Variants in MYO16 observed in about 807,000 individuals in gnomAD.
MYO16 encodes myosin XVI.
A neutral mutation model predicts 205.3 loss-of-function variants in MYO16; 94 were observed. The observed-to-expected ratio is 0.46, with a 90% CI of 0.39 to 0.54. MYO16 has a LOEUF of 0.54. Among genes scored for constraint, MYO16 ranks in the 20% least tolerant of loss-of-function variants. The pLI, the probability that MYO16 is intolerant of heterozygous loss-of-function variation, is 0.00. For synonymous variants in MYO16, 988 were observed against 954.0 expected (o/e 1.04, Z -0.66); for missense variants, 2,315 against 2,387.5 (o/e 0.97, Z 0.63).
chr13:109,149,134 T>A (rs956042575), intron 32 of MYO16, among the ~76,000 whole-genome samples: 1 of 152,170 alleles, frequency 6.6e-6, no homozygotes, highest in Admixed American at 6.5e-5. Flanking sequence ...GCATTAACTC[T>A]TAGGATCTTT....
chr13:108,571,089 G>GA, the MYO16 span, among the ~76,000 whole-genome samples: 1 of 151,638 alleles, frequency 6.6e-6, no homozygotes, highest in East Asian at 1.9e-4. Flanking sequence ...AGAAGAAAAA[G>GA]AAAAAAAAGA....
chr13:108,813,821 A>G (rs1887367975), intron 7 of MYO16, among the ~76,000 whole-genome samples: 1 of 152,160 alleles, frequency 6.6e-6, no homozygotes, highest in Non-Finnish European at 1.5e-5. Context: ...ACCTGCTCAC[A>G]TTTTAAGTAA....
At chr13:108,866,528 C>T (rs949820040) in intron 12 of MYO16, among the ~76,000 whole-genome samples, 16 of 152,162 alleles carry the variant, frequency 1.1e-4, no homozygotes, top group Non-Finnish European at 2.2e-4. Flanking sequence ...ATTTTCCATA[C>T]ATTTTTCACT....
At chr13:109,032,147 C>T (rs1343363843) in intron 23 of MYO16, among the ~76,000 whole-genome samples, 4 of 152,126 alleles carry the variant, frequency 2.6e-5, no homozygotes, top group African/African-American at 9.7e-5. Context: ...TGCTCCCCCT[C>T]GACCCTGGTT....
intron 32 of MYO16, among the ~76,000 whole-genome samples, chr13:109,153,654 G>A (rs576331707): frequency 6.6e-6 from 1 of 152,276 alleles, no homozygotes; most frequent in Non-Finnish European, 1.5e-5. Flanking sequence ...AGCTACTTGG[G>A]AGGCTAAGGC....
rs578158469 is a variant in MYO16 at position 108,931,634 on chromosome 13, G to T, written c.1925+21484G>T. ...ATAAAGCACAAATTATAAGATTTGG[G>T]ACCCTGACTTAAGAAACATTATGCC... is the stretch of plus-strand genomic sequence containing the variant. On this transcript the variant is annotated intron_variant, in intron 16 of 34. Transcript: ENST00000457511. 1.2e-3 allele frequency among the ~76,000 whole-genome samples: 187 copies of T among 152,168 alleles called. 1 individual carries two copies. Among genetic ancestry groups the T allele is most frequent in the African/African-American group, 4.3e-3 (180 of 41,506 alleles).
intron 28 of MYO16, among the ~76,000 whole-genome samples, chr13:109,118,260 C>G (rs1875821663): frequency 6.6e-6 from 1 of 152,184 alleles, no homozygotes; most frequent in Non-Finnish European, 1.5e-5. Flanking sequence ...CTGACCTTCC[C>G]CAGTACACTA....
intron 1 of MYO16, among the ~76,000 whole-genome samples, chr13:108,634,198 G>T (rs1275394179): frequency 6.6e-6 from 1 of 152,094 alleles, no homozygotes; most frequent in Admixed American, 6.6e-5. Flanking sequence ...CTCATGCCTA[G>T]AGACCCCTTC....
At chr13:108,811,903 T>C (rs1355764246) in intron 7 of MYO16, among the ~76,000 whole-genome samples, 1 of 152,198 alleles carries the variant, frequency 6.6e-6, no homozygotes, top group African/African-American at 2.4e-5. Flanking sequence ...AGTCATACTG[T>C]GTCAACACAG....
chr13:108,673,596 C>T lies in MYO16; in HGVS notation c.292+7447C>T, dbSNP rs144200389. On this transcript the variant is annotated intron_variant, in intron 2 of 34. Coordinates refer to ENST00000457511, the MANE Select transcript of MYO16 (RefSeq NM_001198950.3). ...GGGATACCTCTGTTTTCTTCTCCTA[C>T]TCCTCAGATCCTTGTACCAGCTTCC... Among the ~76,000 whole-genome samples, 505 of 152,176 alleles carry T rather than the reference C, an allele frequency of 3.3e-3. 4 individuals are homozygous for T. Among genetic ancestry groups the T allele is most frequent in the African/African-American group, 0.012 (492 of 41,532 alleles).
At chr13:108,868,380 G>A (rs1175177890) in intron 12 of MYO16, among the ~76,000 whole-genome samples, 1 of 152,158 alleles carries the variant, frequency 6.6e-6, no homozygotes, top group Non-Finnish European at 1.5e-5. Flanking sequence ...GACAGACAAT[G>A]AGATTAACCA....
the MYO16 span, among the ~76,000 whole-genome samples, chr13:108,518,045 A>G: frequency 6.6e-6 from 1 of 152,216 alleles, no homozygotes; most frequent in Non-Finnish European, 1.5e-5. Context: ...ATAAGCCAGC[A>G]TATGAATTCT....
chr13:108,946,426 G>A (rs188537908), intron 16 of MYO16, among the ~76,000 whole-genome samples: 11 of 152,256 alleles, frequency 7.2e-5, no homozygotes, highest in African/African-American at 2.4e-4. Context: ...GATATACTGG[G>A]AACCTATTGG....
chr13:108,548,511 G>C, the MYO16 span, among the ~76,000 whole-genome samples: 1 of 150,814 alleles, frequency 6.6e-6, no homozygotes, highest in Non-Finnish European at 1.5e-5. Context: ...GGTAATAAAG[G>C]TGAGGATGAT....
At chr13:109,187,850 G>C (rs1021301811) in intron 34 of MYO16, among the ~76,000 whole-genome samples, 2 of 152,180 alleles carry the variant, frequency 1.3e-5, no homozygotes, top group African/African-American at 2.4e-5. Flanking sequence ...GAGTCTTCTG[G>C]AAGTGTGGAT....
At chr13:108,622,719 G>GAGGCCAA (rs1879591531) in intron 1 of MYO16, among the ~76,000 whole-genome samples, 2 of 151,938 alleles carry the variant, frequency 1.3e-5, no homozygotes. Context: ...GGTAAGAGGA[G>GAGGCCAA]AGGCCAAAAT....
At chr13:109,148,688 C>T (rs1452544976) in intron 32 of MYO16, among the ~76,000 whole-genome samples, 2 of 152,196 alleles carry the variant, frequency 1.3e-5, no homozygotes, top group Non-Finnish European at 2.9e-5. Context: ...TAAGCTTTAT[C>T]GGATCCTCCC....
At position 108,908,080 on chromosome 13, in the gene MYO16, T is replaced by C. The variant is rs146356852; in HGVS notation, c.1778-1923T>C. 2.8e-3 allele frequency among the ~76,000 whole-genome samples: 424 copies of C among 152,288 alleles called. 2 individuals carry two copies. The highest frequency in any genetic ancestry group is 3.5e-3 in the Non-Finnish European group (236 of 68,028). ...TTAAGGGGGAAAAAAGAAAAAAATA[T>C]TTAAAACTTAACTTGAAATTGCCAC... On this transcript the variant is annotated intron_variant, in intron 15 of 34. Coordinates refer to ENST00000457511, the MANE Select transcript of MYO16 (RefSeq NM_001198950.3).
intron 1 of MYO16, among the ~76,000 whole-genome samples, chr13:108,660,386 C>T (rs1881449651): frequency 6.6e-6 from 1 of 152,056 alleles, no homozygotes; most frequent in African/African-American, 2.4e-5. Context: ...TTGGAGTCCC[C>T]CACTATCATT....
Sources: gnomAD v4.1 joint callset for allele counts (sites outside exome capture counted in the v4.1 genomes callset) on GRCh38, gnomAD v4.1.1 for gene constraint, MANE v1.5 for transcripts, NCBI Gene and HGNC (gene_info 2026-07-23, HGNC 2026-07-21) for gene names.